CENPQ: variants seen among roughly 807,000 people sequenced by gnomAD.
CENPQ encodes the protein centromere protein Q.
CENPQ carries 27 observed loss-of-function variants against 36.6 expected under a neutral mutation model. The ratio of observed to expected loss-of-function variants is 0.74; its 90% CI spans 0.54 to 1.02. The LOEUF (loss-of-function observed/expected upper bound fraction) is 1.02. Ranked by LOEUF, CENPQ falls within the 50% of genes least tolerant of loss-of-function variation. CENPQ has a pLI of 0.00. For missense variants in CENPQ, 306 were observed against 301.8 expected (o/e 1.01, Z -0.10); for synonymous variants, 101 against 101.7 (o/e 0.99, Z 0.04).
chr6:49,472,902 A>G, intron 5 of CENPQ, 44 bp downstream of exon 5: 1 of 1,225,916 alleles, frequency 8.2e-7, no homozygotes, highest in Non-Finnish European at 1.1e-6. Context: ...ATAATTTTTA[A>G]AAACCTGACT....
intron 6 of CENPQ, among the ~76,000 whole-genome samples, chr6:49,482,578 C>T (rs79394595): frequency 6.6e-6 from 1 of 152,106 alleles, no homozygotes; most frequent in Non-Finnish European, 1.5e-5. Context: ...TAGTTGAACT[C>T]CTTTGGGATT....
intron 6 of CENPQ, among the ~76,000 whole-genome samples, chr6:49,487,786 T>A (rs1768626704): frequency 6.6e-6 from 1 of 152,162 alleles, no homozygotes; most frequent in Admixed American, 6.5e-5. Flanking sequence ...GTTGTCCCCA[T>A]ACTTGTTTTA....
chr6:49,482,045 C>A (rs947220356), intron 6 of CENPQ, among the ~76,000 whole-genome samples: 5 of 152,182 alleles, frequency 3.3e-5, no homozygotes, highest in Non-Finnish European at 7.4e-5. Flanking sequence ...CCCAGTACAC[C>A]CCCCGCAGCC....
At chr6:49,471,997 C>G (rs1405096216) in intron 3 of CENPQ, 66 bp from the exon 4 acceptor site, 19 of 1,481,814 alleles carry the variant, frequency 1.3e-5, no homozygotes, top group Non-Finnish European at 1.7e-5. Context: ...TGAAAACATT[C>G]CATTTTTAAG....
At chr6:49,479,089 G>A (rs983351555) in intron 5 of CENPQ, among the ~76,000 whole-genome samples, 1 of 152,138 alleles carries the variant, frequency 6.6e-6, no homozygotes, top group Non-Finnish European at 1.5e-5. Context: ...CAGATAGTTT[G>A]TGTTTAAATG....
intron 6 of CENPQ, among the ~76,000 whole-genome samples, chr6:49,482,300 A>G (rs1768454285): frequency 6.6e-6 from 1 of 152,138 alleles, no homozygotes; most frequent in African/African-American, 2.4e-5. Context: ...AGGGCTCCTC[A>G]AGTGCCACCA....
chr6:49,474,391 A>G (rs1355530174), intron 5 of CENPQ, among the ~76,000 whole-genome samples: 1 of 152,164 alleles, frequency 6.6e-6, no homozygotes, highest in Non-Finnish European at 1.5e-5. Context: ...CTACATGGAA[A>G]CTGAACAACC....
intron 5 of CENPQ, among the ~76,000 whole-genome samples, chr6:49,476,237 T>C (rs946884502): frequency 6.6e-6 from 1 of 152,052 alleles, no homozygotes; most frequent in Non-Finnish European, 1.5e-5. Context: ...TAGAGACCAA[T>C]GGAACAGAAC....
chr6:49,483,455 G>T (rs1334206882), intron 6 of CENPQ, among the ~76,000 whole-genome samples: 5 of 152,184 alleles, frequency 3.3e-5, no homozygotes, highest in Admixed American at 6.5e-5. Context: ...ATGGGACTGG[G>T]CACTGTGGAG....
chr6:49,472,830 CA>C lies in CENPQ; in HGVS notation c.321del (p.Gln107HisfsTer7). The C allele has an allele frequency of 6.9e-7, 1 of 1,451,182 alleles. No individual in the cohort carries two copies. Among genetic ancestry groups the C allele is most frequent in the Non-Finnish European group, 9.4e-7 (1 of 1,068,816 alleles). The allele number at this position is 1,451,182 out of a possible 1,614,324, so 89.9% of individuals were successfully genotyped here. A position where few individuals can be genotyped will look rare whatever the true frequency, so the allele number is the denominator to read the frequency against. The stretch of plus-strand genomic sequence containing the variant: ...CAGTATTAAAGAAAAAGAAGAAATA[CA>C]ATACCATCTCAACTTCCTGAAGAAA... ...SNSIKEKEEIQYHLNFLKKRL... is the reference protein window; with the variant it reads ...SNSIKEKEEIXYHLNFLKKRL... On this transcript the variant is annotated frameshift_variant, in exon 5 of 9. Transcript: ENST00000335783. LOFTEE classifies it high-confidence loss of function.
At chr6:49,488,894 A>G (rs919749524) in intron 8 of CENPQ, among the ~76,000 whole-genome samples, 1 of 151,360 alleles carries the variant, frequency 6.6e-6, no homozygotes, top group African/African-American at 2.4e-5. Flanking sequence ...TTAAAGGGAC[A>G]TACCTTAATT....
intron 1 of CENPQ, among the ~76,000 whole-genome samples, chr6:49,466,469 T>C (rs182741404): frequency 6.6e-6 from 1 of 152,224 alleles, no homozygotes; most frequent in Non-Finnish European, 1.5e-5. Context: ...AAAAGAGTTA[T>C]GCCTGTACAT....
At chr6:49,470,896 A>T in intron 2 of CENPQ, 78 bp from the exon 3 acceptor site, 1 of 776,042 alleles carries the variant, frequency 1.3e-6, no homozygotes, top group Admixed American at 3.0e-5. Context: ...GACATATATA[A>T]AAATCTATTG....
chr6:49,477,210 C>T (rs1210256350), intron 5 of CENPQ, among the ~76,000 whole-genome samples: 2 of 152,058 alleles, frequency 1.3e-5, no homozygotes, highest in Non-Finnish European at 2.9e-5. Flanking sequence ...GAAAATGTGG[C>T]ACATATACAC....
At chr6:49,471,300 A>G (rs1167603166) in intron 3 of CENPQ, among the ~76,000 whole-genome samples, 1 of 152,244 alleles carries the variant, frequency 6.6e-6, no homozygotes, top group Admixed American at 6.5e-5. Context: ...CTGAATTATT[A>G]GTGATCTGTG....
chr6:49,478,049 C>T (rs1035830970), intron 5 of CENPQ, among the ~76,000 whole-genome samples: 4 of 152,162 alleles, frequency 2.6e-5, no homozygotes, highest in Non-Finnish European at 5.9e-5. Context: ...GGAGTACATA[C>T]ATTTCAAGGC....
At chr6:49,478,730 T>C (rs1768360243) in intron 5 of CENPQ, among the ~76,000 whole-genome samples, 2 of 152,178 alleles carry the variant, frequency 1.3e-5, no homozygotes, top group South Asian at 2.1e-4. Flanking sequence ...ATGATTGATA[T>C]AGACTGGATT....
chr6:49,476,368 A>G (rs551840991), intron 5 of CENPQ, among the ~76,000 whole-genome samples: 145 of 152,350 alleles, frequency 9.5e-4, no homozygotes, highest in African/African-American at 3.3e-3. Flanking sequence ...CTGGCTAGCC[A>G]TATGTAGAAA....
rs1313588327 is a variant in CENPQ, at chr6:49,463,417, A to G, written c.-55A>G. 2.0e-5 allele frequency: 3 copies of G among 152,238 alleles called. No homozygotes were observed. Among genetic ancestry groups the G allele is most frequent in the African/African-American group, 7.2e-5 (3 of 41,432 alleles). The allele number at this position is 152,238 out of a possible 1,614,324, so 9.4% of individuals were successfully genotyped here. ...CGAATGTTTGGGCGCGAATTACTCT[A>G]AGCGCGGCTCTCAGAAGGGTGCAAG... On this transcript the variant is annotated 5_prime_UTR_variant, in exon 1 of 9. The change abolishes the stop of an existing upstream ORF in the 5' untranslated region. Transcript: ENST00000335783.
Sources: gnomAD v4.1 joint callset for allele counts (sites outside exome capture counted in the v4.1 genomes callset) on GRCh38, gnomAD v4.1.1 for gene constraint, MANE v1.5 for transcripts, NCBI Gene and HGNC (gene_info 2026-07-23, HGNC 2026-07-21) for gene names.